HSD17B12: variants seen among roughly 807,000 people sequenced by gnomAD.
The protein encoded by HSD17B12 is hydroxysteroid 17-beta dehydrogenase 12, also known as very-long-chain 3-oxoacyl-CoA reductase.
In HSD17B12, 32 loss-of-function variants were observed where a neutral mutation model predicts 39.3. The observed-to-expected ratio is 0.81, with a 90% CI of 0.61 to 1.09. HSD17B12 has a LOEUF of 1.09. Among genes scored for constraint, HSD17B12 ranks in the 50% least tolerant of loss-of-function variants. The pLI is 0.00. For synonymous variants in HSD17B12, 150 were observed against 146.7 expected (o/e 1.02, Z -0.16); for missense variants, 342 against 382.9 (o/e 0.89, Z 0.89).
intron 4 of HSD17B12, among the ~76,000 whole-genome samples, chr11:43,804,045 G>T (rs6485465): frequency 6.6e-6 from 1 of 151,922 alleles, no homozygotes; most frequent in East Asian, 1.9e-4. Flanking sequence ...AAAAGAGTAG[G>T]CTTGGCTTTT....
the HSD17B12 span, chr11:43,673,148 A>G: frequency 1.3e-5 from 2 of 152,348 alleles, no homozygotes; most frequent in East Asian, 3.9e-4. Flanking sequence ...TGGTATGCTT[A>G]ATAATTCCTC....
chr11:43,827,327 T>TA lies in HSD17B12; in HGVS notation c.502-3643dup, dbSNP rs367789933. ...CATGTTTTCTTTGTACTGTTCTCTC[T>TA]AAAAAATGACCAAATGCCAAAGATT... is the stretch of plus-strand genomic sequence containing the variant. On this transcript the variant is annotated intron_variant, in intron 6 of 10. Coordinates refer to ENST00000278353, the MANE Select transcript of HSD17B12 (RefSeq NM_016142.3). Among the ~76,000 whole-genome samples the TA allele has an allele frequency of 4.2e-3, 645 of 152,314 alleles. 5 individuals are homozygous for TA. The highest frequency in any genetic ancestry group is 0.015 in the African/African-American group (616 of 41,582).
chr11:43,705,040 A>C (rs1950000765), intron 1 of HSD17B12, among the ~76,000 whole-genome samples: 1 of 152,212 alleles, frequency 6.6e-6, no homozygotes, highest in Non-Finnish European at 1.5e-5. Context: ...AAAGGAGGGA[A>C]ATTTTCTTGT....
At chr11:43,761,912 G>A (rs1240280113) in intron 3 of HSD17B12, among the ~76,000 whole-genome samples, 3 of 152,208 alleles carry the variant, frequency 2.0e-5, no homozygotes, top group African/African-American at 7.2e-5. Flanking sequence ...CCAGATTTAA[G>A]GGGAGAGGAA....
chr11:43,841,014 A>G (rs1483069829), intron 9 of HSD17B12, among the ~76,000 whole-genome samples: 1 of 152,176 alleles, frequency 6.6e-6, no homozygotes, highest in Non-Finnish European at 1.5e-5. Flanking sequence ...CAGTTTCTCC[A>G]CATCTTCACC....
intron 1 of HSD17B12, among the ~76,000 whole-genome samples, chr11:43,730,352 T>C (rs1020075643): frequency 1.3e-5 from 2 of 152,220 alleles, no homozygotes; most frequent in Non-Finnish European, 2.9e-5. Context: ...GAAGTGAATT[T>C]CACTGAGTGT....
At chr11:43,620,570 T>C in the HSD17B12 span, among the ~76,000 whole-genome samples, 3 of 152,304 alleles carry the variant, frequency 2.0e-5, no homozygotes, top group Non-Finnish European at 2.9e-5. Context: ...CGTGTCATGG[T>C]CATGGAAAAT....
the HSD17B12 span, among the ~76,000 whole-genome samples, chr11:43,672,685 C>T: frequency 6.6e-6 from 1 of 152,018 alleles, no homozygotes; most frequent in Admixed American, 6.6e-5. Flanking sequence ...GGATTACAGG[C>T]GCCTGCCACC....
chr11:43,599,356 C>T, the HSD17B12 span, among the ~76,000 whole-genome samples: 1 of 152,164 alleles, frequency 6.6e-6, no homozygotes, highest in African/African-American at 2.4e-5. Context: ...TCTCTCATTA[C>T]CATCTATAAG....
chr11:43,756,284 A>G (rs932390606), intron 3 of HSD17B12, among the ~76,000 whole-genome samples: 1 of 151,838 alleles, frequency 6.6e-6, no homozygotes, highest in African/African-American at 2.4e-5. Context: ...AGCATGTGGT[A>G]TATAGATATA....
At chr11:43,585,633 A>T in the HSD17B12 span, among the ~76,000 whole-genome samples, 1,330 of 152,332 alleles carry the variant, frequency 8.7e-3, 13 homozygotes, top group Non-Finnish European at 0.014. Flanking sequence ...AATTTCCACC[A>T]TGTAAAGTAT....
At chr11:43,803,022 G>A (rs1950986018) in intron 4 of HSD17B12, among the ~76,000 whole-genome samples, 1 of 152,064 alleles carries the variant, frequency 6.6e-6, no homozygotes, top group Non-Finnish European at 1.5e-5. Context: ...TACCACAAAT[G>A]TCTCCTTAAT....
At chr11:43,587,242 C>T in the HSD17B12 span, among the ~76,000 whole-genome samples, 1 of 152,000 alleles carries the variant, frequency 6.6e-6, no homozygotes, top group Non-Finnish European at 1.5e-5. Context: ...TTATTCTAGA[C>T]ATTGGAGATA....
the HSD17B12 span, among the ~76,000 whole-genome samples, chr11:43,602,123 G>A: frequency 6.6e-6 from 1 of 152,146 alleles, no homozygotes. Context: ...CTTTCTCTGG[G>A]TTCATTCACT....
intron 1 of HSD17B12, chr11:43,734,534 A>T: frequency 1.7e-6 from 1 of 594,408 alleles, no homozygotes; most frequent in Non-Finnish European, 2.9e-6. Context: ...ACCTGCCAGC[A>T]GGGCAGTCCG....
At chr11:43,678,986 C>T (rs1013262093), upstream of HSD17B12, among the ~76,000 whole-genome samples, 12 of 152,246 alleles carry the variant, frequency 7.9e-5, no homozygotes, top group African/African-American at 2.4e-4. Context: ...TCATTGGTAG[C>T]TTGATGGGGA....
chr11:43,619,200 T>TATATATATATAAAATATATATATATATG, the HSD17B12 span, among the ~76,000 whole-genome samples: 20 of 49,540 alleles, frequency 4.0e-4, no homozygotes, highest in East Asian at 1.9e-3. Flanking sequence ...ATATATATGA[T>TATATATATATAAAATATATATATATATG]ATATATATAT....
chr11:43,610,120 T>C, the HSD17B12 span, among the ~76,000 whole-genome samples: 3 of 152,250 alleles, frequency 2.0e-5, no homozygotes, highest in African/African-American at 7.2e-5. Context: ...TCTGAATGTA[T>C]TTTTCCCTTT....
At chr11:43,681,243 A>T in intron 1 of HSD17B12, 1 of 1,018,750 alleles carries the variant, frequency 9.8e-7, no homozygotes, top group South Asian at 2.7e-5. Context: ...GGTGTAGGAG[A>T]AAACTGCCTT....
Sources: gnomAD v4.1 joint callset for allele counts (sites outside exome capture counted in the v4.1 genomes callset) on GRCh38, gnomAD v4.1.1 for gene constraint, MANE v1.5 for transcripts, NCBI Gene and HGNC (gene_info 2026-07-23, HGNC 2026-07-21) for gene names.